Variants in PLXDC1 observed in about 807,000 individuals in gnomAD.
The protein encoded by PLXDC1 is plexin domain containing 1, also known as plexin domain-containing protein 1.
A neutral mutation model predicts 61.3 loss-of-function variants in PLXDC1; 39 were observed. That is an observed-to-expected ratio of 0.64 (90% CI 0.49 to 0.83). PLXDC1 has a LOEUF of 0.83. Ranked by LOEUF, PLXDC1 falls within the 40% of genes least tolerant of loss-of-function variation. The pLI is 0.00. For missense variants in PLXDC1, 596 were observed against 666.5 expected, an observed-to-expected ratio of 0.89 and a Z score of 1.17; for synonymous variants, 212 against 254.5, an observed-to-expected ratio of 0.83 and a Z score of 1.59.
At chr17:39,102,315 C>A (rs866831164) in intron 7 of PLXDC1, among the ~76,000 whole-genome samples, 3 of 152,066 alleles carry the variant, frequency 2.0e-5, no homozygotes, top group Non-Finnish European at 4.4e-5. Flanking sequence ...TTGGGACACA[C>A]GGCAAGCGAA....
At position 39,065,526 on chromosome 17, in the gene PLXDC1, C is replaced by T. The variant is rs1209924219; in HGVS notation, c.*2314G>A. The T allele has an allele frequency of 6.6e-6, 1 of 151,562 alleles. No individual in the cohort carries two copies. The highest frequency in any genetic ancestry group is 1.9e-4 in the East Asian group (1 of 5,152). The allele number at this position is 151,562 out of a possible 1,614,324, so 9.4% of individuals were successfully genotyped here. On this transcript the variant is annotated 3_prime_UTR_variant, in exon 14 of 14. Coordinates refer to ENST00000315392, the MANE Select transcript of PLXDC1 (RefSeq NM_020405.5). ...AAGTGATCCTCCTGGCTCAGCCTCC[C>T]TAGTAGCTGGGACTACAGGTGCACC...
intron 1 of PLXDC1, among the ~76,000 whole-genome samples, chr17:39,150,377 G>A (rs1173179942): frequency 2.6e-5 from 4 of 152,082 alleles, no homozygotes; most frequent in Non-Finnish European, 5.9e-5. Context: ...AGACACAGCA[G>A]GTCAACCACA....
chr17:39,111,801 G>C (rs558715099), intron 2 of PLXDC1: 1 of 152,286 alleles, frequency 6.6e-6, no homozygotes, highest in East Asian at 1.9e-4. Flanking sequence ...CGGCCCCTGG[G>C]GTGAGGGCTA....
chr17:39,093,628 A>G, intron 7 of PLXDC1, among the ~76,000 whole-genome samples: 1 of 152,052 alleles, frequency 6.6e-6, no homozygotes, highest in East Asian at 1.9e-4. Context: ...AGGTAGGGGA[A>G]TCGCTGGAAC....
chr17:39,077,863 G>A (rs574773680), intron 11 of PLXDC1, 50 bp downstream of exon 11: 14 of 1,604,022 alleles, frequency 8.7e-6, no homozygotes, highest in African/African-American at 8.0e-5. Context: ...GGGGTGGGTA[G>A]CTCTCCTTCC....
intron 7 of PLXDC1, among the ~76,000 whole-genome samples, chr17:39,091,826 G>A (rs575417541): frequency 6.6e-6 from 1 of 152,112 alleles, no homozygotes; most frequent in East Asian, 1.9e-4. Context: ...AGGCGTGGTG[G>A]TGAGCACCTG....
chr17:39,116,234 C>T (rs739822), intron 2 of PLXDC1, among the ~76,000 whole-genome samples: 53,786 of 152,026 alleles, frequency 0.35, 10,010 homozygotes, highest in Admixed American at 0.45. Flanking sequence ...AACAGCTCTC[C>T]GGGAAGGTGA....
In PLXDC1 at chr17:39,083,527, A is replaced by G. The variant is rs768105539; in HGVS notation, c.921T>C (p.His307=). 2 of 1,612,758 alleles carry G rather than the reference A, an allele frequency of 1.2e-6. No homozygotes were observed. The highest frequency in any genetic ancestry group is 1.7e-5 in the Admixed American group (1 of 59,894). ...AGGACATGCAGGCGTCACAGCTCCT[A>G]TGCTGCAGGCAGGCTGCAAGAGAGA... ...EFTPLPTCLQ[H]RSCDACMSSD... is the part of the protein sequence containing the mutation. Residue 307 remains histidine, a synonymous_variant, in exon 9 of 14, where the codon CAT becomes CAC. Transcript: ENST00000315392.
At chr17:39,135,942 T>C (rs952376673) in intron 2 of PLXDC1, among the ~76,000 whole-genome samples, 1 of 152,140 alleles carries the variant, frequency 6.6e-6, no homozygotes, top group Non-Finnish European at 1.5e-5. Context: ...CCACGAACAA[T>C]TGCTTCCAGA....
intron 9 of PLXDC1, among the ~76,000 whole-genome samples, chr17:39,081,988 G>C (rs912136203): frequency 1.3e-5 from 2 of 152,196 alleles, no homozygotes; most frequent in Non-Finnish European, 2.9e-5. Flanking sequence ...CAGTGTGTTT[G>C]TTCCCACATC....
In PLXDC1 at chr17:39,078,042, C is replaced by A; in HGVS notation, c.1057G>T (p.Gly353Cys). Residue 353 changes from glycine (G) to cysteine (C), a missense_variant, in exon 11 of 14, where the codon GGC becomes TGC. By Grantham distance (159) the Gly-to-Cys change is radical (BLOSUM62 -3). Coordinates refer to ENST00000315392, the MANE Select transcript of PLXDC1 (RefSeq NM_020405.5). ...TCCTGGAAGTCCTCGCACATCCTGC[C>A]CTCTGCCTGCAGGAGAGAGCCAGTG... ...MDYGCAQEAE[G>C]RMCEDFQDED... 6.2e-7 allele frequency: 1 copy of A among 1,605,490 alleles called. No homozygotes were observed. Among genetic ancestry groups the A allele is most frequent in the Non-Finnish European group, 8.5e-7 (1 of 1,175,596 alleles).
intron 7 of PLXDC1, among the ~76,000 whole-genome samples, chr17:39,097,724 A>G (rs1793976007): frequency 6.8e-6 from 1 of 146,438 alleles, no homozygotes; most frequent in Non-Finnish European, 1.5e-5. Flanking sequence ...TAATAAATAA[A>G]TAAATAAATA....
At chr17:39,084,941 T>TGC in intron 8 of PLXDC1, among the ~76,000 whole-genome samples, 2 of 152,214 alleles carry the variant, frequency 1.3e-5, no homozygotes, top group Non-Finnish European at 2.9e-5. Context: ...AAAGCCCGTA[T>TGC]ATTTGATTGC....
chr17:39,112,526 C>T (rs555121988), intron 2 of PLXDC1, among the ~76,000 whole-genome samples: 2 of 138,246 alleles, frequency 1.4e-5, no homozygotes, highest in African/African-American at 5.5e-5. Flanking sequence ...GGTGCGATCT[C>T]AGCTCACTGC....
At chr17:39,097,920 A>AAG (rs1910274390) in intron 7 of PLXDC1, among the ~76,000 whole-genome samples, 1 of 149,318 alleles carries the variant, frequency 6.7e-6, no homozygotes, top group Non-Finnish European at 1.5e-5. Context: ...AAAAAAAAAA[A>AAG]AAGGCCAGGT....
intron 7 of PLXDC1, among the ~76,000 whole-genome samples, chr17:39,100,978 G>A (rs1166846735): frequency 6.6e-6 from 1 of 152,222 alleles, no homozygotes; most frequent in Non-Finnish European, 1.5e-5. Flanking sequence ...GTAGTGGGGT[G>A]CACTGACTCT....
rs1434141870 is a variant in PLXDC1, at chr17:39,072,436, A to C, written c.1222+14T>G. Reference sequence around the variant, plus strand: ...GCTGGGTCTGACGCTGAGGGCAGGCAGTTCTGTACTCACCGTCTCCTCCTG... The same window carrying C: ...GCTGGGTCTGACGCTGAGGGCAGGCCGTTCTGTACTCACCGTCTCCTCCTG... On this transcript the variant is annotated intron_variant, in intron 12 of 13. Coordinates refer to ENST00000315392, the MANE Select transcript of PLXDC1 (RefSeq NM_020405.5). The C allele has an allele frequency of 2.5e-5, 39 of 1,542,240 alleles. No individual in the cohort carries two copies. Among genetic ancestry groups the C allele is most frequent in the Non-Finnish European group, 3.3e-5 (37 of 1,135,660 alleles).
Position 39,139,693 on chromosome 17 carries a change from C to G in PLXDC1, c.216G>C (p.Leu72=), listed in dbSNP as rs775877001. The G allele has an allele frequency of 1.2e-6, 2 of 1,613,916 alleles. No individual in the cohort carries two copies. The highest frequency in any genetic ancestry group is 2.2e-5 in the South Asian group (2 of 91,052). ...QLSQDLGGGT[L]AMDTLPDNRT... is the part of the protein sequence containing the mutation. ...TGTTATCTGGCAGCGTGTCCATGGCCAGGGTGCCCCCACCCAGGTCCTGGC... is the reference window on the plus strand; with the variant it reads ...TGTTATCTGGCAGCGTGTCCATGGCGAGGGTGCCCCCACCCAGGTCCTGGC... The change falls in exon 2 of 14, where the codon CTG becomes CTC. Residue 72 remains leucine (L), a synonymous_variant. Transcript: ENST00000315392.
chr17:39,110,009 G>A (rs1910742617), intron 2 of PLXDC1, among the ~76,000 whole-genome samples: 1 of 152,154 alleles, frequency 6.6e-6, no homozygotes, highest in African/African-American at 2.4e-5. Context: ...GTGGCCTGGT[G>A]GCACACGCCT....
Sources: allele counts gnomAD v4.1 joint callset (sites outside exome capture counted in the v4.1 genomes callset), GRCh38; gene constraint gnomAD v4.1.1; transcripts MANE v1.5; gene names NCBI Gene and HGNC (gene_info 2026-07-23, HGNC 2026-07-21).